The following PRKG1 variants were observed in gnomAD, a reference collection of about 807,000 sequenced individuals.
PRKG1 encodes the protein protein kinase cGMP-dependent 1, also known as cGMP-dependent protein kinase 1.
Under a neutral mutation model 88.1 loss-of-function variants are expected in PRKG1, and 35 were observed. The observed-to-expected ratio is 0.40, with a 90% CI of 0.30 to 0.53. The LOEUF (loss-of-function observed/expected upper bound fraction) is 0.53, where lower values mean the gene tolerates loss of function less well. Among genes scored for constraint, PRKG1 ranks in the 20% least tolerant of loss-of-function variants. The probability of loss-of-function intolerance (pLI) is 0.59; values close to 1 mark genes in which losing one functional copy is unlikely to be tolerated. For missense variants in PRKG1, 540 were observed against 839.8 expected (o/e 0.64, Z 4.41); for synonymous variants, 303 against 292.5 (o/e 1.04, Z -0.37).
chr10:51,592,313 A>T (rs1838332085), intron 3 of PRKG1, among the ~76,000 whole-genome samples: 1 of 152,192 alleles, frequency 6.6e-6, no homozygotes, highest in Non-Finnish European at 1.5e-5. Context: ...ACAATTAAAG[A>T]AACACTTGTT....
chr10:51,469,726 T>A (rs1012841476), intron 3 of PRKG1, among the ~76,000 whole-genome samples: 3 of 151,858 alleles, frequency 2.0e-5, no homozygotes, highest in African/African-American at 7.2e-5. Flanking sequence ...CATGTTCTTC[T>A]TTAACACAGA....
intron 2 of PRKG1, among the ~76,000 whole-genome samples, chr10:51,222,344 A>G (rs1838565300): frequency 6.6e-6 from 1 of 152,032 alleles, no homozygotes; most frequent in African/African-American, 2.4e-5. Flanking sequence ...ACAGACCTAA[A>G]TATAAAACTT....
At chr10:51,619,761 G>A (rs886271851) in intron 3 of PRKG1, among the ~76,000 whole-genome samples, 3 of 152,110 alleles carry the variant, frequency 2.0e-5, no homozygotes, top group African/African-American at 7.2e-5. Context: ...CCCATTTATT[G>A]TCAGGTCTAT....
At chr10:52,059,259 G>C (rs761431548) in intron 6 of PRKG1, among the ~76,000 whole-genome samples, 4 of 151,892 alleles carry the variant, frequency 2.6e-5, no homozygotes, top group Non-Finnish European at 5.9e-5. Flanking sequence ...ACAATTTGCA[G>C]TTTCTAATAA....
chr10:51,708,973 C>T (rs977332955), intron 3 of PRKG1, among the ~76,000 whole-genome samples: 1 of 152,162 alleles, frequency 6.6e-6, no homozygotes, highest in African/African-American at 2.4e-5. Flanking sequence ...TGGTGACCTA[C>T]TCTTATGAAG....
chr10:51,684,962 T>C (rs1309651253), intron 3 of PRKG1, among the ~76,000 whole-genome samples: 2 of 152,174 alleles, frequency 1.3e-5, no homozygotes, highest in Non-Finnish European at 2.9e-5. Context: ...TTTCATTGCC[T>C]CTATAATCCT....
At chr10:51,114,173 A>G (rs1845050040) in intron 1 of PRKG1, among the ~76,000 whole-genome samples, 1 of 152,104 alleles carries the variant, frequency 6.6e-6, no homozygotes, top group Admixed American at 6.6e-5. Context: ...TTCCTTTAAT[A>G]CTACATTGCT....
chr10:52,047,857 T>C (rs929442364), intron 5 of PRKG1, among the ~76,000 whole-genome samples: 1 of 152,116 alleles, frequency 6.6e-6, no homozygotes, highest in Non-Finnish European at 1.5e-5. Flanking sequence ...ATAGGACTCT[T>C]CTTCTGAGAT....
At chr10:51,057,704 CACTT>C (rs1279786915) in intron 1 of PRKG1, among the ~76,000 whole-genome samples, 4 of 152,064 alleles carry the variant, frequency 2.6e-5, no homozygotes, top group African/African-American at 7.2e-5. Flanking sequence ...TAGCAATGTT[CACTT>C]ACTTTTACTG....
chr10:52,016,604 A>C (rs10823960), intron 5 of PRKG1, among the ~76,000 whole-genome samples: 17,381 of 152,260 alleles, frequency 0.11, 1,224 homozygotes, highest in East Asian at 0.32. Flanking sequence ...CTTTATAAAG[A>C]AAGGTAATGT....
At chr10:51,021,825 C>T (rs1308090776) in intron 1 of PRKG1, among the ~76,000 whole-genome samples, 7 of 151,882 alleles carry the variant, frequency 4.6e-5, no homozygotes, top group African/African-American at 1.2e-4. Context: ...GTATTACAGG[C>T]GCCTGCCACC....
intron 9 of PRKG1, among the ~76,000 whole-genome samples, chr10:52,204,745 C>A (rs909773975): frequency 2.0e-5 from 3 of 152,136 alleles, no homozygotes; most frequent in East Asian, 1.9e-4. Context: ...AAATTGTGCA[C>A]GCAAATTGTG....
At chr10:51,586,199 A>T (rs7903769) in intron 3 of PRKG1, among the ~76,000 whole-genome samples, 140,477 of 152,218 alleles carry the variant, frequency 0.92, 64,925 homozygotes, top group East Asian at 1. Context: ...AAGCCTTGAA[A>T]TCCAAGACAG....
rs181682081 is a variant in PRKG1, at chr10:51,175,550, A to G, written c.478+22220A>G. Among the ~76,000 whole-genome samples, 365 of 152,206 alleles carry G rather than the reference A, an allele frequency of 2.4e-3. 2 individuals carry two copies. The highest frequency in any genetic ancestry group is 8.3e-3 in the African/African-American group (346 of 41,558). Reference sequence around the variant, plus strand: ...TTATTTCCACCCGGAAGATAAAAACATAAAACCTCATTCAAATCCTTTCCC... The same window carrying G: ...TTATTTCCACCCGGAAGATAAAAACGTAAAACCTCATTCAAATCCTTTCCC... On this transcript the variant is annotated intron_variant, in intron 2 of 17. Coordinates refer to ENST00000373980, the MANE Select transcript of PRKG1 (RefSeq NM_006258.4).
intron 8 of PRKG1, among the ~76,000 whole-genome samples, chr10:52,158,069 G>T (rs773752954): frequency 6.6e-6 from 1 of 151,518 alleles, no homozygotes; most frequent in Admixed American, 6.6e-5. Context: ...CCATTTGCTC[G>T]GTAACATGTC....
chr10:51,113,605 TACAA>T (rs976373509), intron 1 of PRKG1, among the ~76,000 whole-genome samples: 3 of 151,828 alleles, frequency 2.0e-5, no homozygotes, highest in African/African-American at 7.3e-5. Context: ...CTGTTTAAAA[TACAA>T]ACAATGAAAT....
At chr10:51,643,412 C>A (rs1839846374) in intron 3 of PRKG1, among the ~76,000 whole-genome samples, 2 of 152,138 alleles carry the variant, frequency 1.3e-5, no homozygotes, top group African/African-American at 4.8e-5. Flanking sequence ...ATACATACAT[C>A]TCTCTAGGAA....
chr10:51,663,984 A>G (rs1480604443), intron 3 of PRKG1, among the ~76,000 whole-genome samples: 1 of 152,086 alleles, frequency 6.6e-6, no homozygotes, highest in Non-Finnish European at 1.5e-5. Flanking sequence ...TTCTACTTTA[A>G]AAATTATTTT....
intron 3 of PRKG1, among the ~76,000 whole-genome samples, chr10:51,797,585 T>A (rs7082893): frequency 0.044 from 6,505 of 147,138 alleles, 446 homozygotes; most frequent in African/African-American, 0.15. Context: ...ATGTTATATA[T>A]AAATATCTAA....
Sources: allele counts gnomAD v4.1 joint callset (sites outside exome capture counted in the v4.1 genomes callset), GRCh38; gene constraint gnomAD v4.1.1; transcripts MANE v1.5; gene names NCBI Gene and HGNC (gene_info 2026-07-23, HGNC 2026-07-21).